Variants in MLPH observed in about 807,000 individuals in gnomAD.
MLPH encodes exophilin-3.
In MLPH, 51 loss-of-function variants were observed where a neutral mutation model predicts 72.1. The ratio of observed to expected loss-of-function variants is 0.71; its 90% CI spans 0.56 to 0.89. MLPH has a LOEUF of 0.89. MLPH is among the 40% of genes least tolerant of loss of function. The pLI, the probability that MLPH is intolerant of heterozygous loss-of-function variation, is 0.00. For synonymous variants in MLPH, 301 were observed against 310.1 expected (o/e 0.97, Z 0.31); for missense variants, 743 against 759.9 (o/e 0.98, Z 0.26).
At chr2:237,535,492 ATG>A (rs374009135) in intron 9 of MLPH, among the ~76,000 whole-genome samples, 1 of 151,246 alleles carries the variant, frequency 6.6e-6, no homozygotes, top group African/African-American at 2.4e-5. Context: ...GTGTGTGTGC[ATG>A]TGTGTGTGTG....
chr2:237,515,425 G>T (rs1574856600), intron 4 of MLPH, among the ~76,000 whole-genome samples: 1 of 152,298 alleles, frequency 6.6e-6, no homozygotes, highest in East Asian at 1.9e-4. Context: ...AGGGACACTT[G>T]TGCCTCTGGG....
chr2:237,537,998 G>A (rs76692510), intron 9 of MLPH, among the ~76,000 whole-genome samples: 2,614 of 152,346 alleles, frequency 0.017, 47 homozygotes, highest in South Asian at 0.067. Context: ...GCAGGTGCAC[G>A]GGCAGACAAG....
At chr2:237,503,686 C>T (rs2079701463) in intron 2 of MLPH, among the ~76,000 whole-genome samples, 1 of 152,294 alleles carries the variant, frequency 6.6e-6, no homozygotes, top group South Asian at 2.1e-4. Flanking sequence ...GGTCTGTCCT[C>T]AGGCTGTTTT....
chr2:237,519,129 G>A (rs756791105), intron 5 of MLPH, among the ~76,000 whole-genome samples: 60 of 151,076 alleles, frequency 4.0e-4, no homozygotes, highest in Non-Finnish European at 6.6e-4. Flanking sequence ...CTGTTTTCAC[G>A]TATTGTTTAA....
chr2:237,511,151 A>C (rs1424022397), intron 4 of MLPH, 50 bp downstream of exon 4: 2 of 1,442,702 alleles, frequency 1.4e-6, no homozygotes, highest in Non-Finnish European at 2.0e-6. Context: ...CATTTTAGGA[A>C]TATTAAAGCA....
chr2:237,525,234 A>G (rs969168246), intron 6 of MLPH, among the ~76,000 whole-genome samples: 6 of 152,036 alleles, frequency 3.9e-5, no homozygotes, highest in Non-Finnish European at 7.4e-5. Context: ...TTCTCCCAAA[A>G]ATATTAACTT....
intron 2 of MLPH, among the ~76,000 whole-genome samples, chr2:237,493,896 T>A (rs1310913096): frequency 1.3e-5 from 2 of 152,112 alleles, no homozygotes; most frequent in Non-Finnish European, 2.9e-5. Flanking sequence ...TGGAATCAAG[T>A]CTTTAGGACA....
chr2:237,540,727 G>T, intron 10 of MLPH, 75 bp from the exon 11 acceptor site: 1 of 1,580,594 alleles, frequency 6.3e-7, no homozygotes, highest in Non-Finnish European at 8.6e-7. Context: ...GAGCAATATC[G>T]TGGTGAGTCC....
At chr2:237,517,909 G>C (rs572132110) in intron 4 of MLPH, 1 of 173,906 alleles carries the variant, frequency 5.8e-6, no homozygotes, top group African/African-American at 2.4e-5. Context: ...ATGGGTAGGC[G>C]GATAAGTAGG....
intron 5 of MLPH, 113 bp from the exon 6 acceptor site, chr2:237,519,796 AG>A: frequency 3.4e-6 from 5 of 1,466,748 alleles, no homozygotes; most frequent in Non-Finnish European, 4.8e-6. Flanking sequence ...CTGGGAGAGG[AG>A]CCTGCCCCGC....
In MLPH at chr2:237,519,933, C is replaced by T. The variant is rs367767915; in HGVS notation, c.579C>T (p.His193=). The T allele has an allele frequency of 4.2e-4, 678 of 1,614,024 alleles. 9 individuals are homozygous for T. In the South Asian group the frequency reaches 6.5e-3, roughly 16 times the overall value. The change falls in exon 6 of 16, where the codon CAC becomes CAT. Residue 193 remains histidine, a synonymous_variant. Coordinates refer to ENST00000264605, the MANE Select transcript of MLPH (RefSeq NM_024101.7). The stretch of plus-strand genomic sequence containing the variant: ...AGAAAAAGCGCCTCCTCTCCGTCCA[C>T]GACTTCGACTTCGAGGGAGACTCAG... ...GSKKKRLLSV[H]DFDFEGDSDD... is the part of the protein sequence containing the mutation.
chr2:237,500,783 C>G (rs2079629416), intron 2 of MLPH, among the ~76,000 whole-genome samples: 1 of 152,230 alleles, frequency 6.6e-6, no homozygotes, highest in Middle Eastern at 3.4e-3. Flanking sequence ...TCACCCCACA[C>G]CCCACACTCA....
At chr2:237,529,097 T>G (rs901538130) in intron 8 of MLPH, among the ~76,000 whole-genome samples, 4 of 152,156 alleles carry the variant, frequency 2.6e-5, no homozygotes, top group Non-Finnish European at 5.9e-5. Context: ...GGCTGGAGTT[T>G]AGTGGAGCAA....
chr2:237,538,806 C>T lies in MLPH; in HGVS notation c.1105-1542C>T, dbSNP rs76172526. Among the ~76,000 whole-genome samples the T allele has an allele frequency of 1.8e-3, 277 of 152,326 alleles. 1 individual carries two copies. The highest frequency in any genetic ancestry group is 6.4e-3 in the African/African-American group (267 of 41,576). On this transcript the variant is annotated intron_variant, in intron 9 of 15. Coordinates refer to ENST00000264605, the MANE Select transcript of MLPH (RefSeq NM_024101.7). ...CCTTCACAACCCAACAAGTGGAACACAGGTCAGGAGGTGGAGGAAGGTACA... is the reference window on the plus strand; with the variant it reads ...CCTTCACAACCCAACAAGTGGAACATAGGTCAGGAGGTGGAGGAAGGTACA...
intron 2 of MLPH, among the ~76,000 whole-genome samples, chr2:237,508,537 C>A (rs185599946): frequency 2.0e-5 from 3 of 152,284 alleles, no homozygotes; most frequent in African/African-American, 7.2e-5. Context: ...CATCAAAGAG[C>A]AAAGAAAAGG....
rs202230822 is a variant in MLPH at position 237,519,902 on chromosome 2, C to T, written c.556-8C>T. On this transcript the variant is annotated splice_region_variant and splice_polypyrimidine_tract_variant and intron_variant, in intron 5 of 15. Coordinates refer to ENST00000264605, the MANE Select transcript of MLPH (RefSeq NM_024101.7). ...ACTTGAGTCTTGCCCTGTCTTGTGC[C>T]TGCTAAGAAAAAGCGCCTCCTCTCC... The T allele has an allele frequency of 1.2e-6, 2 of 1,613,946 alleles. No homozygotes were observed. Among genetic ancestry groups the T allele is most frequent in the Admixed American group, 1.7e-5 (1 of 60,034 alleles).
chr2:237,510,743 C>A lies in MLPH; in HGVS notation c.280C>A (p.Arg94Ser), dbSNP rs781560142. 2 of 1,613,674 alleles carry A rather than the reference C, an allele frequency of 1.2e-6. No homozygotes were observed. Among genetic ancestry groups the A allele is most frequent in the Non-Finnish European group, 1.7e-6 (2 of 1,180,034 alleles). The change falls in exon 3 of 16, where the codon CGC becomes AGC. Residue 94 changes from arginine to serine, a missense_variant. Physicochemically the swap from Arg to Ser is moderately radical, Grantham distance 110 (BLOSUM62 -1). Transcript: ENST00000264605. This position sits in a 1 kb window ranked among gnomAD's most constrained non-coding sequence, Gnocchi z 4.4. ...CCTCTTCACCTGCAAAAGCTGTGGC[C>A]GCGTCCACCCGGAGGAGCAGGGCTG... ...CGLFTCKSCG[R>S]VHPEEQGWIC...
At chr2:237,511,197 T>C in intron 4 of MLPH, 96 bp downstream of exon 4, 1 of 868,954 alleles carries the variant, frequency 1.2e-6, no homozygotes, top group Admixed American at 1.8e-5. Flanking sequence ...TGTGTACGTG[T>C]GTGTGTGCAT....
At chr2:237,501,650 A>T (rs2106476058) in intron 2 of MLPH, among the ~76,000 whole-genome samples, 1 of 145,636 alleles carries the variant, frequency 6.9e-6, no homozygotes, top group South Asian at 2.2e-4. Flanking sequence ...AACATAGTGA[A>T]ACCACGTCTC....
Sources: allele counts gnomAD v4.1 joint callset (sites outside exome capture counted in the v4.1 genomes callset), GRCh38; gene constraint gnomAD v4.1.1; non-coding constraint Gnocchi (gnomAD v3.1); transcripts MANE v1.5; gene names NCBI Gene and HGNC (gene_info 2026-07-23, HGNC 2026-07-21).